Variants in MGAT5 observed in about 807,000 individuals in gnomAD.
MGAT5 encodes the protein alpha-1,6-mannosylglycoprotein 6-beta-N-acetylglucosaminyltransferase, also known as alpha-1,6-mannosylglycoprotein 6-beta-N-acetylglucosaminyltransferase A.
Under a neutral mutation model 94.3 loss-of-function variants are expected in MGAT5, and 30 were observed. The observed-to-expected ratio is 0.32, with a 90% CI of 0.24 to 0.43. The LOEUF is 0.43. Among genes scored for constraint, MGAT5 ranks in the 20% least tolerant of loss-of-function variants. The probability of loss-of-function intolerance (pLI) is 1.00; values close to 1 mark genes in which losing one functional copy is unlikely to be tolerated. For synonymous variants in MGAT5, 310 were observed against 322.9 expected, an observed-to-expected ratio of 0.96 and a Z score of 0.43; for missense variants, 691 against 905.5, an observed-to-expected ratio of 0.76 and a Z score of 3.04.
intron 14 of MGAT5, among the ~76,000 whole-genome samples, chr2:134,435,804 G>C (rs1685137408): frequency 6.6e-6 from 1 of 152,200 alleles, no homozygotes; most frequent in African/African-American, 2.4e-5. Context: ...GAAGGAATGA[G>C]TACTTATGAT....
chr2:134,255,434 T>C (rs1383602383), intron 1 of MGAT5, among the ~76,000 whole-genome samples: 2 of 150,944 alleles, frequency 1.3e-5, no homozygotes, highest in Admixed American at 6.6e-5. Context: ...TGTATTTTTC[T>C]GATACTTTGC....
intron 14 of MGAT5, 26 bp from the exon 15 acceptor site, chr2:134,441,732 G>T (rs535618106): frequency 2.5e-6 from 4 of 1,597,582 alleles, no homozygotes; most frequent in Middle Eastern, 1.7e-4. Context: ...TTGGACCTGT[G>T]GCTGATGGCT....
intron 7 of MGAT5, 73 bp downstream of exon 7, chr2:134,341,832 T>A (rs927726958): frequency 1.5e-6 from 2 of 1,295,582 alleles, no homozygotes; most frequent in South Asian, 1.5e-5. Flanking sequence ...GTATTACCTC[T>A]ATTAGTGTAT....
In MGAT5 at chr2:134,412,789, G is replaced by A. The variant is rs1455582095; in HGVS notation, c.1531-80G>A. 58 of 1,558,778 alleles carry A rather than the reference G, an allele frequency of 3.7e-5. No individual in the cohort carries two copies. In the East Asian group the frequency reaches 6.3e-4, roughly 17 times the overall value. On this transcript the variant is annotated intron_variant, in intron 11 of 15. Transcript: ENST00000281923. ...CACGGGAATGGGCCACAGAATCGCC[G>A]CCTGCAAGCTAGGAATGCCCGTCCT...
intron 1 of MGAT5, among the ~76,000 whole-genome samples, chr2:134,182,473 C>T (rs1688779422): frequency 6.6e-6 from 1 of 152,120 alleles, no homozygotes; most frequent in Non-Finnish European, 1.5e-5. Flanking sequence ...GTAGACCAAA[C>T]TCTACCCTTC....
At chr2:134,358,362 T>C (rs1462447610) in intron 9 of MGAT5, among the ~76,000 whole-genome samples, 1 of 152,226 alleles carries the variant, frequency 6.6e-6, no homozygotes, top group Admixed American at 6.5e-5. Context: ...ATATCTTTAT[T>C]ATCTGAAAAA....
chr2:134,330,548 T>C (rs979314156), intron 4 of MGAT5, among the ~76,000 whole-genome samples: 1 of 147,626 alleles, frequency 6.8e-6, no homozygotes, highest in African/African-American at 2.6e-5. Context: ...GGGAATTAAA[T>C]TGTGTAGTGT....
At chr2:134,190,195 A>G (rs931440247) in intron 1 of MGAT5, among the ~76,000 whole-genome samples, 2 of 152,062 alleles carry the variant, frequency 1.3e-5, no homozygotes, top group African/African-American at 4.8e-5. Context: ...TGCTTTATGC[A>G]TCTGAAGTTC....
rs180794807 is a variant in MGAT5 at position 134,449,097 on chromosome 2, C to A, written c.*250C>A. On this transcript the variant is annotated 3_prime_UTR_variant, in exon 16 of 16. Coordinates refer to ENST00000281923, the MANE Select transcript of MGAT5 (RefSeq NM_002410.5). ...CTGGCACAACATCATTTCTGTTTCT[C>A]AAGGAGCAACTGTGGGAAGACTGTC... 4 of 537,450 alleles carry A rather than the reference C, an allele frequency of 7.4e-6. No homozygotes were observed. Among genetic ancestry groups the A allele is most frequent in the Non-Finnish European group, 1.3e-5 (4 of 298,606 alleles). 33.3% of individuals were successfully genotyped at this position (537,450 alleles called of 1,614,324 possible).
rs557373193 is a variant in MGAT5, at chr2:134,161,067, G to C, written c.-143+40776G>C. 9.2e-5 allele frequency among the ~76,000 whole-genome samples: 14 copies of C among 152,374 alleles called. No individual in the cohort carries two copies. In the South Asian group the frequency reaches 2.1e-3, roughly 23 times the overall value. ...GCTGAAGGTGGTGGAAGGAGGTGAA[G>C]AAGCTTGGAGACAGGGAGGCCACCT... On this transcript the variant is annotated intron_variant, in intron 1 of 16. Transcript: ENST00000409645.
At chr2:134,446,369 T>C (rs1685773921) in intron 15 of MGAT5, among the ~76,000 whole-genome samples, 1 of 151,954 alleles carries the variant, frequency 6.6e-6, no homozygotes, top group Non-Finnish European at 1.5e-5. Context: ...TAGAGATTTC[T>C]ATGCTCTGGT....
At chr2:134,202,192 A>G (rs191465341) in intron 1 of MGAT5, among the ~76,000 whole-genome samples, 75 of 152,224 alleles carry the variant, frequency 4.9e-4, no homozygotes, top group Non-Finnish European at 9.3e-4. Flanking sequence ...GCCGACTGCT[A>G]TGGTCTGAAT....
chr2:134,403,444 T>C (rs1481863614), intron 11 of MGAT5, among the ~76,000 whole-genome samples: 1 of 152,212 alleles, frequency 6.6e-6, no homozygotes, highest in Non-Finnish European at 1.5e-5. Context: ...GGACAGACTT[T>C]CTAATAGAGC....
intron 1 of MGAT5, among the ~76,000 whole-genome samples, chr2:134,187,947 A>C (rs2105208684): frequency 6.6e-6 from 1 of 152,344 alleles, no homozygotes; most frequent in Middle Eastern, 3.4e-3. Flanking sequence ...CCGTGGAGAG[A>C]TTCCGCCTGT....
chr2:134,349,671 AT>A (rs759371811), intron 8 of MGAT5, 133 bp from the exon 9 acceptor site: 192 of 983,212 alleles, frequency 2.0e-4, no homozygotes, highest in Non-Finnish European at 2.6e-4. Flanking sequence ...AAACATCACA[AT>A]TCTTGTCTGG....
intron 1 of MGAT5, among the ~76,000 whole-genome samples, chr2:134,231,883 C>T (rs1299521813): frequency 6.6e-6 from 1 of 152,170 alleles, no homozygotes; most frequent in Non-Finnish European, 1.5e-5. Context: ...ACTTTACACC[C>T]AGTGAGTTGA....
At chr2:134,302,632 T>C (rs1399775679) in intron 2 of MGAT5, among the ~76,000 whole-genome samples, 1 of 151,966 alleles carries the variant, frequency 6.6e-6, no homozygotes, top group Non-Finnish European at 1.5e-5. Context: ...AAAAGGCTTT[T>C]TTTGGTAGGG....
intron 2 of MGAT5, among the ~76,000 whole-genome samples, chr2:134,281,401 T>C (rs903781448): frequency 3.3e-5 from 5 of 152,230 alleles, no homozygotes; most frequent in African/African-American, 7.2e-5. Flanking sequence ...TTTGGGAATG[T>C]TGAGTTCACC....
chr2:134,400,934 G>C (rs1420069327), intron 10 of MGAT5, among the ~76,000 whole-genome samples: 1 of 152,144 alleles, frequency 6.6e-6, no homozygotes, highest in Non-Finnish European at 1.5e-5. Flanking sequence ...TTATTATAAG[G>C]ATCCAGAGGG....
Sources: gnomAD v4.1 joint callset for allele counts (sites outside exome capture counted in the v4.1 genomes callset) on GRCh38, gnomAD v4.1.1 for gene constraint, MANE v1.5 for transcripts, NCBI Gene and HGNC (gene_info 2026-07-23, HGNC 2026-07-21) for gene names.